The following WASF2 variants were observed in gnomAD, a reference collection of about 807,000 sequenced individuals.
WASF2 encodes actin-binding protein WASF2.
A neutral mutation model predicts 45.0 loss-of-function variants in WASF2; 14 were observed. That is an observed-to-expected ratio of 0.31 (90% CI 0.21 to 0.49). The LOEUF (loss-of-function observed/expected upper bound fraction) is 0.49, where lower values mean the gene tolerates loss of function less well. WASF2 is among the 20% of genes least tolerant of loss of function. WASF2 has a pLI of 0.99. For synonymous variants in WASF2, 200 were observed against 236.3 expected, an observed-to-expected ratio of 0.85 and a Z score of 1.41; for missense variants, 439 against 636.1, an observed-to-expected ratio of 0.69 and a Z score of 3.33.
intron 1 of WASF2, among the ~76,000 whole-genome samples, chr1:27,489,283 C>T (rs1428496130): frequency 7.1e-6 from 1 of 141,454 alleles, no homozygotes; most frequent in African/African-American, 2.7e-5. Context: ...CACACACACA[C>T]ACACACAGTG....
At chr1:27,429,023 CT>C in intron 1 of WASF2, 90 bp from the exon 2 acceptor site, 1 of 1,003,878 alleles carries the variant, frequency 1.0e-6, no homozygotes, top group Non-Finnish European at 1.4e-6. Flanking sequence ...TTTTTTTGGT[CT>C]TACCCTGATC....
chr1:27,453,914 T>C (rs1404502743), intron 1 of WASF2, among the ~76,000 whole-genome samples: 1 of 151,746 alleles, frequency 6.6e-6, no homozygotes, highest in Non-Finnish European at 1.5e-5. Context: ...AATATTACTA[T>C]TAGCCTTAAA....
intron 1 of WASF2, among the ~76,000 whole-genome samples, chr1:27,454,662 C>T (rs926286956): frequency 2.0e-5 from 3 of 152,108 alleles, no homozygotes; most frequent in African/African-American, 7.2e-5. Context: ...TTTGTAGAGA[C>T]AGTGTCTCAC....
intron 1 of WASF2, among the ~76,000 whole-genome samples, chr1:27,462,035 T>C (rs1205271710): frequency 6.7e-6 from 1 of 150,102 alleles, no homozygotes; most frequent in Non-Finnish European, 1.5e-5. Flanking sequence ...TGGAGTGCAG[T>C]GGTGCGATCT....
Position 27,483,589 on chromosome 1 carries a change from G to A in WASF2, c.-44+6397C>T, listed in dbSNP as rs1478236368. Among the ~76,000 whole-genome samples the A allele has an allele frequency of 2.6e-5, 4 of 152,050 alleles. 1 individual carries two copies. The highest frequency in any genetic ancestry group is 2.0e-4 in the Admixed American group (3 of 15,256). Reference sequence around the variant, plus strand: ...CAGGAGGCAGAGGTTACAGTGAGCCGAGATCACGCCACTGCACTCCAGCAT... The same window carrying A: ...CAGGAGGCAGAGGTTACAGTGAGCCAAGATCACGCCACTGCACTCCAGCAT... On this transcript the variant is annotated intron_variant, in intron 1 of 8. Coordinates refer to ENST00000618852, the MANE Select transcript of WASF2 (RefSeq NM_006990.5).
At position 27,405,599 on chromosome 1, in the gene WASF2, C is replaced by CTTTTTTTTTTTTTTTT. The variant is rs769753375; in HGVS notation, c.*2574_*2589dup. ...TAAAGGGCTCTGGGTCTAAAGAAGC[C>CTTTTTTTTTTTTTTTT]TTTTTTTTTTTTTTTTTTTTTTTTT... On this transcript the variant is annotated 3_prime_UTR_variant, in exon 9 of 9. Transcript: ENST00000618852. 1.8e-4 allele frequency: 10 copies of CTTTTTTTTTTTTTTTT among 56,646 alleles called. No individual in the cohort carries two copies. Among genetic ancestry groups the CTTTTTTTTTTTTTTTT allele is most frequent in the African/African-American group, 4.2e-4 (6 of 14,182 alleles). The allele number at this position is 56,646 out of a possible 1,614,324, so 3.5% of individuals were successfully genotyped here.
At chr1:27,418,823 T>C in intron 3 of WASF2, 131 bp downstream of exon 3, 13 of 1,188,276 alleles carry the variant, frequency 1.1e-5, no homozygotes, top group Non-Finnish European at 1.5e-5. Context: ...GCTTGTGTGA[T>C]TTCAAAGCAG....
chr1:27,459,604 A>G (rs983772085), intron 1 of WASF2: 3 of 152,224 alleles, frequency 2.0e-5, no homozygotes, highest in African/African-American at 7.2e-5. Flanking sequence ...AATGTAATCA[A>G]GACTATTATT....
chr1:27,426,568 T>C (rs959171959), intron 2 of WASF2, among the ~76,000 whole-genome samples: 1 of 151,672 alleles, frequency 6.6e-6, no homozygotes, highest in Non-Finnish European at 1.5e-5. Context: ...TGGAGTGCAG[T>C]GGCACAATCT....
At chr1:27,430,517 C>T (rs1337193213) in intron 1 of WASF2, among the ~76,000 whole-genome samples, 1 of 152,122 alleles carries the variant, frequency 6.6e-6, no homozygotes, top group African/African-American at 2.4e-5. Context: ...TGCACCACCA[C>T]GCCCAGCTAA....
At chr1:27,484,266 A>AGATGT (rs1438777714) in intron 1 of WASF2, among the ~76,000 whole-genome samples, 1 of 152,204 alleles carries the variant, frequency 6.6e-6, no homozygotes, top group Non-Finnish European at 1.5e-5. Context: ...GTCCGAGAAA[A>AGATGT]CTAAGAGTAG....
intron 1 of WASF2, among the ~76,000 whole-genome samples, chr1:27,480,209 G>A (rs975042286): frequency 1.3e-5 from 2 of 152,084 alleles, no homozygotes; most frequent in African/African-American, 4.8e-5. Context: ...TGATTTAAGA[G>A]CAAACTTTTT....
intron 1 of WASF2, among the ~76,000 whole-genome samples, chr1:27,475,793 A>G (rs2017758049): frequency 6.6e-6 from 1 of 152,020 alleles, no homozygotes. Flanking sequence ...ACACCCAGCT[A>G]ATTTTTGTAT....
intron 1 of WASF2, among the ~76,000 whole-genome samples, chr1:27,484,574 G>A (rs1237023186): frequency 2.0e-5 from 3 of 151,700 alleles, no homozygotes; most frequent in East Asian, 1.9e-4. Flanking sequence ...TTGGGAGGCC[G>A]AGGTGGGTGG....
At chr1:27,433,446 G>C (rs935126521) in intron 1 of WASF2, among the ~76,000 whole-genome samples, 1 of 152,208 alleles carries the variant, frequency 6.6e-6, no homozygotes, top group Non-Finnish European at 1.5e-5. Context: ...GTTGAGAAAG[G>C]CTCCTCTATC....
chr1:27,408,678 C>T (rs2016713244), intron 8 of WASF2, among the ~76,000 whole-genome samples: 1 of 152,084 alleles, frequency 6.6e-6, no homozygotes, highest in African/African-American at 2.4e-5. Context: ...TATAATGGGG[C>T]TCAGCTGCCA....
chr1:27,472,345 A>C (rs2148138428), intron 1 of WASF2, among the ~76,000 whole-genome samples: 1 of 151,318 alleles, frequency 6.6e-6, no homozygotes, highest in Non-Finnish European at 1.5e-5. Flanking sequence ...AAAAAAATGT[A>C]AATCAAAACT....
intron 1 of WASF2, among the ~76,000 whole-genome samples, chr1:27,441,753 CA>C (rs35347075): frequency 2.8e-3 from 147 of 51,668 alleles, no homozygotes; most frequent in African/African-American, 0.012. Context: ...GACTCCGTCT[CA>C]AAAAAAAAAA....
At chr1:27,489,260 A>G (rs1020395840) in intron 1 of WASF2, among the ~76,000 whole-genome samples, 29 of 104,124 alleles carry the variant, frequency 2.8e-4, no homozygotes, top group South Asian at 1.1e-3. Context: ...GCGCACACAC[A>G]CACACACACA....
Sources: gnomAD v4.1 joint callset for allele counts (sites outside exome capture counted in the v4.1 genomes callset) on GRCh38, gnomAD v4.1.1 for gene constraint, MANE v1.5 for transcripts, NCBI Gene and HGNC (gene_info 2026-07-23, HGNC 2026-07-21) for gene names.